CHRM3: variants seen among roughly 807,000 people sequenced by gnomAD.
The protein encoded by CHRM3 is muscarinic acetylcholine receptor M3.
CHRM3 carries 11 observed loss-of-function variants against 41.8 expected under a neutral mutation model. The ratio of observed to expected loss-of-function variants is 0.26; its 90% CI spans 0.17 to 0.44. The LOEUF (loss-of-function observed/expected upper bound fraction) is 0.44, where lower values mean the gene tolerates loss of function less well. CHRM3 is among the 20% of genes least tolerant of loss of function. The probability of loss-of-function intolerance (pLI) is 1.00; values close to 1 mark genes in which losing one functional copy is unlikely to be tolerated. For synonymous variants in CHRM3, 297 were observed against 301.4 expected, an observed-to-expected ratio of 0.99 and a Z score of 0.15; for missense variants, 571 against 745.4, an observed-to-expected ratio of 0.77 and a Z score of 2.72.
chr1:239,734,884 A>G (rs1425779051), intron 5 of CHRM3, among the ~76,000 whole-genome samples: 2 of 152,104 alleles, frequency 1.3e-5, no homozygotes, highest in Non-Finnish European at 2.9e-5. Flanking sequence ...AAACTGGGTG[A>G]TGGAATTCGT....
At chr1:239,776,651 G>A (rs1041503261) in intron 5 of CHRM3, among the ~76,000 whole-genome samples, 4 of 152,154 alleles carry the variant, frequency 2.6e-5, no homozygotes, top group African/African-American at 9.7e-5. Context: ...TCACCATATA[G>A]TGGAATATAA....
intron 6 of CHRM3, among the ~76,000 whole-genome samples, chr1:239,880,839 A>G (rs1677525975): frequency 6.6e-6 from 1 of 152,172 alleles, no homozygotes; most frequent in Non-Finnish European, 1.5e-5. Flanking sequence ...AGCAACTAAA[A>G]GCAAGCGAGG....
Position 239,908,782 on chromosome 1 carries a change from A to G in CHRM3, c.1331A>G (p.Asn444Ser), listed in dbSNP as rs200801228. 6.2e-7 allele frequency: 1 copy of G among 1,613,696 alleles called. No individual in the cohort carries two copies. The highest frequency in any genetic ancestry group is 1.7e-5 in the Admixed American group (1 of 59,984). The change falls in exon 7 of 7, where the codon AAC becomes AGC. Residue 444 changes from asparagine to serine, a missense_variant. Coordinates refer to ENST00000676153, the MANE Select transcript of CHRM3 (RefSeq NM_001375978.1). The surrounding 1 kb of genome is among the most constrained non-coding windows in gnomAD (Gnocchi z 7.2). ...AVDTAKTSDV[N>S]SSVGKSTATL... is the part of the protein sequence containing the mutation. Reference sequence around the variant, plus strand: ...GACACAGCTAAGACTTCTGACGTCAACTCCTCAGTGGGTAAGAGCACGGCC... The same window carrying G: ...GACACAGCTAAGACTTCTGACGTCAGCTCCTCAGTGGGTAAGAGCACGGCC...
At chr1:239,871,872 A>C (rs1676618575) in intron 6 of CHRM3, among the ~76,000 whole-genome samples, 1 of 152,196 alleles carries the variant, frequency 6.6e-6, no homozygotes, top group Admixed American at 6.5e-5. Flanking sequence ...AGGCGCACTG[A>C]AATTTTTAGC....
intron 5 of CHRM3, among the ~76,000 whole-genome samples, chr1:239,776,957 C>G (rs1213199322): frequency 2.0e-5 from 3 of 152,162 alleles, no homozygotes; most frequent in Non-Finnish European, 4.4e-5. Flanking sequence ...TGAGTTACCT[C>G]CTACCAGGTC....
intron 3 of CHRM3, among the ~76,000 whole-genome samples, chr1:239,613,549 G>C (rs1667296154): frequency 6.6e-6 from 1 of 152,164 alleles, no homozygotes; most frequent in Admixed American, 6.5e-5. Context: ...CAGACAAAAA[G>C]GAGAAGCCTA....
chr1:239,426,133 T>TC (rs1170085859), intron 1 of CHRM3, among the ~76,000 whole-genome samples: 4 of 7,306 alleles, frequency 5.5e-4, no homozygotes, highest in Non-Finnish European at 7.8e-4. Context: ...ATGCTATCCC[T>TC]CCCCCCTCCC....
At chr1:239,577,479 G>A (rs908435260) in intron 3 of CHRM3, among the ~76,000 whole-genome samples, 6 of 152,212 alleles carry the variant, frequency 3.9e-5, no homozygotes, top group African/African-American at 1.4e-4. Flanking sequence ...AAGTGTGGTC[G>A]GGATTGATAC....
chr1:239,598,877 A>G (rs1572857854), intron 3 of CHRM3, among the ~76,000 whole-genome samples: 1 of 132,618 alleles, frequency 7.5e-6, no homozygotes, highest in Admixed American at 8.5e-5. Context: ...CCATGCTGCC[A>G]TCAAACTTGC....
chr1:239,471,698 G>A (rs915907150), intron 1 of CHRM3, among the ~76,000 whole-genome samples: 8 of 152,190 alleles, frequency 5.3e-5, no homozygotes, highest in African/African-American at 1.9e-4. Context: ...TCTGCCCAAG[G>A]CCTCAGAGGA....
intron 5 of CHRM3, among the ~76,000 whole-genome samples, chr1:239,728,929 C>T (rs1663699380): frequency 6.6e-6 from 1 of 151,996 alleles, no homozygotes; most frequent in Admixed American, 6.6e-5. Flanking sequence ...ATCAGCAGTT[C>T]TCTAAGTGTA....
intron 2 of CHRM3, among the ~76,000 whole-genome samples, chr1:239,507,523 T>A (rs1668654062): frequency 6.6e-6 from 1 of 152,206 alleles, no homozygotes; most frequent in South Asian, 2.1e-4. Context: ...TCATCTCAGT[T>A]ATGTCCTTAG....
At chr1:239,414,857 C>A (rs539517793) in intron 1 of CHRM3, among the ~76,000 whole-genome samples, 11 of 152,272 alleles carry the variant, frequency 7.2e-5, no homozygotes, top group Non-Finnish European at 1.0e-4. Flanking sequence ...TTAGCATTTA[C>A]AAAAATTTTT....
chr1:239,443,460 C>T (rs1354851210), intron 1 of CHRM3, among the ~76,000 whole-genome samples: 1 of 152,114 alleles, frequency 6.6e-6, no homozygotes, highest in Non-Finnish European at 1.5e-5. Context: ...AAAAAACTTC[C>T]AGTAACCTCC....
At chr1:239,603,852 A>G (rs1394835177) in intron 3 of CHRM3, among the ~76,000 whole-genome samples, 1 of 152,146 alleles carries the variant, frequency 6.6e-6, no homozygotes, top group Non-Finnish European at 1.5e-5. Context: ...GATTATTACT[A>G]TAATTAATTT....
At chr1:239,474,161 A>C (rs1666318287) in intron 1 of CHRM3, among the ~76,000 whole-genome samples, 1 of 152,116 alleles carries the variant, frequency 6.6e-6, no homozygotes, top group Non-Finnish European at 1.5e-5. Context: ...GTTTAAAAAG[A>C]GTAACTAAAG....
chr1:239,603,303 CT>C (rs1665838468), intron 3 of CHRM3, among the ~76,000 whole-genome samples: 1 of 152,016 alleles, frequency 6.6e-6, no homozygotes, highest in African/African-American at 2.4e-5. Context: ...GACAAGTTAG[CT>C]TTTTGGAATA....
At chr1:239,874,484 G>C (rs543978633) in intron 6 of CHRM3, among the ~76,000 whole-genome samples, 54 of 151,124 alleles carry the variant, frequency 3.6e-4, no homozygotes, top group African/African-American at 1.2e-3. Flanking sequence ...GTTCCATGGG[G>C]CCAACTGTGG....
intron 3 of CHRM3, among the ~76,000 whole-genome samples, chr1:239,562,184 A>G (rs1290646563): frequency 1.3e-5 from 2 of 152,202 alleles, no homozygotes; most frequent in African/African-American, 4.8e-5. Context: ...CGTGCAGGCC[A>G]TGTGTACCTG....
Sources: gnomAD v4.1 joint callset for allele counts (sites outside exome capture counted in the v4.1 genomes callset) on GRCh38, gnomAD v4.1.1 for gene constraint, Gnocchi (gnomAD v3.1) non-coding constraint, MANE v1.5 for transcripts, NCBI Gene and HGNC (gene_info 2026-07-23, HGNC 2026-07-21) for gene names.